SCHIP1: variants seen among roughly 807,000 people sequenced by gnomAD.
The protein encoded by SCHIP1 is schwannomin-interacting protein 1.
SCHIP1 carries 8 observed loss-of-function variants against 29.7 expected under a neutral mutation model. That is an observed-to-expected ratio of 0.27 (90% CI 0.16 to 0.49). The LOEUF (loss-of-function observed/expected upper bound fraction) is 0.49. Ranked by LOEUF, SCHIP1 falls within the 20% of genes least tolerant of loss-of-function variation. The probability of loss-of-function intolerance (pLI) is 0.99; values close to 1 mark genes in which losing one functional copy is unlikely to be tolerated. For synonymous variants in SCHIP1, 76 were observed against 94.9 expected, an observed-to-expected ratio of 0.80 and a Z score of 1.16; for missense variants, 193 against 294.6, an observed-to-expected ratio of 0.66 and a Z score of 2.52.
At chr3:159,401,148 A>AAGAT in the SCHIP1 span, 1 of 975,892 alleles carries the variant, frequency 1.0e-6, no homozygotes. Context: ...CCTCAAGTGT[A>AAGAT]AGATATTCAT....
chr3:159,830,101 C>T, the SCHIP1 span, among the ~76,000 whole-genome samples: 2 of 152,210 alleles, frequency 1.3e-5, no homozygotes, highest in African/African-American at 2.4e-5. Flanking sequence ...CAACTACTTA[C>T]TTGTGTGAAA....
At chr3:159,441,961 A>G in the SCHIP1 span, among the ~76,000 whole-genome samples, 1 of 152,128 alleles carries the variant, frequency 6.6e-6, no homozygotes, top group Non-Finnish European at 1.5e-5. Context: ...CTTCCCGAGC[A>G]GCTGGAATTA....
the SCHIP1 span, among the ~76,000 whole-genome samples, chr3:159,328,764 C>T: frequency 2.0e-4 from 30 of 152,056 alleles, no homozygotes; most frequent in Middle Eastern, 6.8e-3. Context: ...GAGAAATCAG[C>T]GAATGGTTTT....
the SCHIP1 span, among the ~76,000 whole-genome samples, chr3:159,483,678 G>A: frequency 1.1e-4 from 16 of 152,260 alleles, 1 homozygote; most frequent in Middle Eastern, 3.4e-3. Context: ...TGAAATTTGT[G>A]ATAAAATTGA....
At chr3:159,532,452 A>T in the SCHIP1 span, among the ~76,000 whole-genome samples, 1 of 152,294 alleles carries the variant, frequency 6.6e-6, no homozygotes, top group South Asian at 2.1e-4. Context: ...CAAATGCAAA[A>T]CAGTGAATTA....
chr3:159,495,797 C>G, the SCHIP1 span, among the ~76,000 whole-genome samples: 2 of 152,186 alleles, frequency 1.3e-5, no homozygotes, highest in Admixed American at 1.3e-4. Context: ...CCCGCATCAC[C>G]AAGTCAATCC....
chr3:159,563,005 T>C, the SCHIP1 span, among the ~76,000 whole-genome samples: 1 of 152,316 alleles, frequency 6.6e-6, no homozygotes, highest in Non-Finnish European at 1.5e-5. Flanking sequence ...TGGAAACTTA[T>C]TTTGAAAGGG....
the SCHIP1 span, chr3:159,275,133 A>G: frequency 2.2e-6 from 2 of 917,302 alleles, no homozygotes; most frequent in East Asian, 1.2e-4. Context: ...CATTTTTGTC[A>G]TCTTTGCTCA....
chr3:159,863,796 A>G (rs1577454269), intron 1 of SCHIP1, among the ~76,000 whole-genome samples: 1 of 152,214 alleles, frequency 6.6e-6, no homozygotes, highest in Non-Finnish European at 1.5e-5. Context: ...TTAGTGAAGT[A>G]TTTGGGTGTA....
At chr3:159,557,114 C>A in the SCHIP1 span, among the ~76,000 whole-genome samples, 1 of 151,646 alleles carries the variant, frequency 6.6e-6, no homozygotes, top group Non-Finnish European at 1.5e-5. Flanking sequence ...TCCGCCACCA[C>A]GCCCGGCTAA....
chr3:159,896,695 C>T, intron 6 of SCHIP1, 28 bp from the exon 8 acceptor site: 1 of 1,582,250 alleles, frequency 6.3e-7, no homozygotes, highest in South Asian at 1.2e-5. Flanking sequence ...CTACATGATG[C>T]TAAATAATTG....
At chr3:159,741,582 T>C in the SCHIP1 span, among the ~76,000 whole-genome samples, 1 of 152,220 alleles carries the variant, frequency 6.6e-6, no homozygotes, top group African/African-American at 2.4e-5. Context: ...TGCCTTCACC[T>C]TTTCTTCATA....
At chr3:159,741,243 C>T in the SCHIP1 span, among the ~76,000 whole-genome samples, 3,163 of 152,240 alleles carry the variant, frequency 0.021, 81 homozygotes, top group African/African-American at 0.058. Flanking sequence ...CAAGAGCAAG[C>T]TTTGCTTAAA....
At chr3:159,472,230 G>T in the SCHIP1 span, among the ~76,000 whole-genome samples, 1 of 152,152 alleles carries the variant, frequency 6.6e-6, no homozygotes, top group African/African-American at 2.4e-5. Context: ...ATTCAACTGT[G>T]TTTTTAAAGA....
chr3:159,528,867 A>C, the SCHIP1 span, among the ~76,000 whole-genome samples: 168 of 152,308 alleles, frequency 1.1e-3, 2 homozygotes, highest in African/African-American at 3.9e-3. Flanking sequence ...GAAAAGTAGA[A>C]CCTGCAATAA....
the SCHIP1 span, among the ~76,000 whole-genome samples, chr3:159,369,258 T>C: frequency 6.6e-6 from 1 of 152,346 alleles, no homozygotes; most frequent in South Asian, 2.1e-4. Flanking sequence ...GCATCACTTT[T>C]ATTTATTTTA....
At chr3:159,564,795 G>A in the SCHIP1 span, among the ~76,000 whole-genome samples, 2 of 152,294 alleles carry the variant, frequency 1.3e-5, no homozygotes, top group African/African-American at 4.8e-5. Flanking sequence ...TCATATGGCA[G>A]TACTTTGTTC....
At chr3:159,586,131 G>GAA in the SCHIP1 span, among the ~76,000 whole-genome samples, 2 of 146,528 alleles carry the variant, frequency 1.4e-5, no homozygotes, top group East Asian at 2.0e-4. Flanking sequence ...TTTGCAATTG[G>GAA]AAAAAAAAAA....
chr3:159,857,446 A>G (rs751551352), intron 1 of SCHIP1, among the ~76,000 whole-genome samples: 3 of 152,046 alleles, frequency 2.0e-5, no homozygotes, highest in African/African-American at 4.8e-5. Context: ...AAAAATTGAG[A>G]TATAATTCAC....
Sources: gnomAD v4.1 joint callset for allele counts (sites outside exome capture counted in the v4.1 genomes callset) on GRCh38, gnomAD v4.1.1 for gene constraint, MANE v1.5 for transcripts, NCBI Gene and HGNC (gene_info 2026-07-23, HGNC 2026-07-21) for gene names.